SLA2: variants seen among roughly 807,000 people sequenced by gnomAD.
SLA2 encodes the protein Src like adaptor 2.
Under a neutral mutation model 27.3 loss-of-function variants are expected in SLA2, and 22 were observed. That is an observed-to-expected ratio of 0.81 (90% CI 0.58 to 1.15). The LOEUF (loss-of-function observed/expected upper bound fraction) is 1.15, where lower values mean the gene tolerates loss of function less well. Ranked by LOEUF, SLA2 falls within the 50% of genes most tolerant of loss-of-function variation. SLA2 has a pLI of 0.00. For synonymous variants in SLA2, 131 were observed against 137.8 expected (o/e 0.95, Z 0.34); for missense variants, 304 against 322.2 (o/e 0.94, Z 0.43).
chr20:36,641,244 C>T lies in SLA2; in HGVS notation c.91+1G>A. On this transcript the variant is annotated splice_donor_variant, in intron 2 of 7. Coordinates refer to ENST00000262866, the MANE Select transcript of SLA2 (RefSeq NM_032214.4). LOFTEE classifies it high-confidence loss of function. The stretch of plus-strand genomic sequence containing the variant: ...TGGCTGTCACAGGCCCTGAGGCCTA[C>T]CTGCTTCCATGGTCACAGGTCCCTG... The T allele has an allele frequency of 6.2e-7, 1 of 1,613,676 alleles. No homozygotes were observed. The highest frequency in any genetic ancestry group is 2.2e-5 in the East Asian group (1 of 44,862).
Position 36,634,785 on chromosome 20 carries a change from C to CAGAG in SLA2, c.92-200_92-197dup, listed in dbSNP as rs113633781. Among the ~76,000 whole-genome samples the CAGAG allele has an allele frequency of 4.0e-3, 585 of 147,160 alleles. 4 individuals are homozygous for CAGAG. Among genetic ancestry groups the CAGAG allele is most frequent in the African/African-American group, 0.014 (546 of 39,710 alleles). ...AACTTTGCAGAGCCCTGACAGTGCC[C>CAGAG]AGAGAGAGAGAGAGAGAGAGAGAAA... On this transcript the variant is annotated intron_variant, in intron 2 of 7. Transcript: ENST00000262866.
chr20:36,621,901 A>G (rs755109621), intron 5 of SLA2, among the ~76,000 whole-genome samples: 22 of 151,898 alleles, frequency 1.4e-4, no homozygotes, highest in South Asian at 4.2e-4. Flanking sequence ...CTGTGGTCCC[A>G]GCTACTCCAG....
chr20:36,624,553 G>A (rs1480831240), intron 5 of SLA2, among the ~76,000 whole-genome samples: 1 of 152,136 alleles, frequency 6.6e-6, no homozygotes. Flanking sequence ...AACAGTGCTT[G>A]GCACAAAGTC....
At chr20:36,637,474 C>T (rs1045973262) in intron 2 of SLA2, among the ~76,000 whole-genome samples, 29 of 151,830 alleles carry the variant, frequency 1.9e-4, no homozygotes, top group South Asian at 6.2e-4. Flanking sequence ...GGATTACAGG[C>T]GTGAGCCACT....
At chr20:36,637,204 T>A (rs557639245) in intron 2 of SLA2, among the ~76,000 whole-genome samples, 1 of 141,442 alleles carries the variant, frequency 7.1e-6, no homozygotes, top group South Asian at 2.3e-4. Context: ...TTTTTTTTTT[T>A]TTTTTTTTTT....
intron 2 of SLA2, among the ~76,000 whole-genome samples, chr20:36,639,649 T>C (rs145100583): frequency 0.02 from 2,956 of 151,066 alleles, 99 homozygotes; most frequent in African/African-American, 0.068. Flanking sequence ...GTCAGGAGAT[T>C]GAGACCATCC....
chr20:36,643,900 C>T (rs370438789), intron 1 of SLA2, among the ~76,000 whole-genome samples: 4 of 152,156 alleles, frequency 2.6e-5, no homozygotes, highest in East Asian at 1.9e-4. Flanking sequence ...TGCAGTGAGC[C>T]GAGATTGTGC....
chr20:36,641,701 C>G lies in SLA2; in HGVS notation c.-43-323G>C, dbSNP rs531592320. 3.3e-5 allele frequency among the ~76,000 whole-genome samples: 5 copies of G among 152,264 alleles called. No individual in the cohort carries two copies. The East Asian group carries it at 7.7e-4, about 24-fold the overall frequency. On this transcript the variant is annotated intron_variant, in intron 1 of 7. Coordinates refer to ENST00000262866, the MANE Select transcript of SLA2 (RefSeq NM_032214.4). Reference sequence around the variant, plus strand: ...ATCCCATTCTTCCTTCCCCAGGAAGCCTCCCAGCCCCTAGCCTTTGTTGAT... The same window carrying G: ...ATCCCATTCTTCCTTCCCCAGGAAGGCTCCCAGCCCCTAGCCTTTGTTGAT...
At chr20:36,620,792 A>T in intron 5 of SLA2, 1 of 172,254 alleles carries the variant, frequency 5.8e-6, no homozygotes, top group Non-Finnish European at 1.2e-5. Context: ...CTGGTCTCGA[A>T]CTCCTGACCT....
rs796709033 is a variant in SLA2, at chr20:36,645,366, CA to C, written c.-44+470del. ...TGGGTAACAGAATGAGACCCCAACTCAAAAAAAAAAATGAATTTGGATTGAG... is the reference window on the plus strand; with the variant it reads ...TGGGTAACAGAATGAGACCCCAACTCAAAAAAAAAATGAATTTGGATTGAG... On this transcript the variant is annotated intron_variant, in intron 1 of 7. Coordinates refer to ENST00000262866, the MANE Select transcript of SLA2 (RefSeq NM_032214.4). 1.5e-3 allele frequency among the ~76,000 whole-genome samples: 217 copies of C among 144,076 alleles called. 1 individual carries two copies. Among genetic ancestry groups the C allele is most frequent in the East Asian group, 0.014 (71 of 5,008 alleles). The allele number at this position is 144,076 out of a possible 152,430, so 94.5% of individuals were successfully genotyped here.
At position 36,612,714 on chromosome 20, in the gene SLA2, A is replaced by C. The variant is rs1444104886; in HGVS notation, c.*1152T>G. On this transcript the variant is annotated 3_prime_UTR_variant, in exon 8 of 8. Coordinates refer to ENST00000262866, the MANE Select transcript of SLA2 (RefSeq NM_032214.4). The stretch of plus-strand genomic sequence containing the variant: ...ACCTCTTTCTGTTTATGGAGGCAGC[A>C]GGGAAATCAAGGGCTGGATTTGGTG... The C allele has an allele frequency of 1.9e-5, 4 of 209,080 alleles. No individual in the cohort carries two copies. The highest frequency in any genetic ancestry group is 3.9e-5 in the Non-Finnish European group (4 of 101,302). The allele number at this position is 209,080 out of a possible 1,614,324, so 13.0% of individuals were successfully genotyped here.
rs2039467994 is a variant in SLA2 at position 36,637,855 on chromosome 20, T to G, written c.92-3266A>C. Among the ~76,000 whole-genome samples, 3 of 150,692 alleles carry G rather than the reference T, an allele frequency of 2.0e-5. No individual in the cohort carries two copies. In the South Asian group the frequency reaches 6.3e-4, roughly 32 times the overall value. On this transcript the variant is annotated intron_variant, in intron 2 of 7. Coordinates refer to ENST00000262866, the MANE Select transcript of SLA2 (RefSeq NM_032214.4). ...TGTTGTCCAGGTTGATCTCGAACTC[T>G]TGACCTCAGGTCTGCCTGCCTCGGC... is the stretch of plus-strand genomic sequence containing the variant.
chr20:36,624,385 ACACT>A (rs766075264), intron 5 of SLA2, among the ~76,000 whole-genome samples: 39 of 152,106 alleles, frequency 2.6e-4, no homozygotes, highest in Non-Finnish European at 5.4e-4. Flanking sequence ...GCCTGTACTC[ACACT>A]CACACCCTGG....
chr20:36,612,509 T>C lies in SLA2; in HGVS notation c.*1357A>G. 2.3e-6 allele frequency: 1 copy of C among 443,528 alleles called. No individual in the cohort carries two copies. The highest frequency in any genetic ancestry group is 2.5e-5 in the South Asian group (1 of 40,134). The allele number at this position is 443,528 out of a possible 1,614,324, so 27.5% of individuals were successfully genotyped here. On this transcript the variant is annotated 3_prime_UTR_variant, in exon 8 of 8. Transcript: ENST00000262866. ...ATGCAGCATCTAATAAGAGTTTCCA[T>C]TGTAGAATGTTTTCACATACTTGAA...
chr20:36,644,351 G>T (rs542591784), intron 1 of SLA2, among the ~76,000 whole-genome samples: 1 of 152,282 alleles, frequency 6.6e-6, no homozygotes, highest in East Asian at 1.9e-4. Flanking sequence ...AAGCATGCAA[G>T]CTTCCCCCGT....
chr20:36,621,580 C>T (rs987549364), intron 5 of SLA2, among the ~76,000 whole-genome samples: 15 of 141,828 alleles, frequency 1.1e-4, no homozygotes, highest in Non-Finnish European at 2.2e-4. Context: ...GAGCCGAGAT[C>T]GCGCCACTGC....
intron 5 of SLA2, among the ~76,000 whole-genome samples, chr20:36,616,555 G>C (rs1277265561): frequency 1.3e-5 from 2 of 151,904 alleles, no homozygotes; most frequent in African/African-American, 4.8e-5. Flanking sequence ...GGCTGGTCTC[G>C]AACTCTTGAC....
chr20:36,616,186 G>A lies in SLA2; in HGVS notation c.383-812C>T, dbSNP rs563565664. 5.3e-5 allele frequency among the ~76,000 whole-genome samples: 8 copies of A among 152,060 alleles called. No individual in the cohort carries two copies. In the South Asian group the frequency reaches 1.7e-3, roughly 32 times the overall value. Reference sequence around the variant, plus strand: ...GAGGGGGCTACAAAGGGCTTGTTAGGTAATTTCAGCTGGCAAGTGGGCGCG... The same window carrying A: ...GAGGGGGCTACAAAGGGCTTGTTAGATAATTTCAGCTGGCAAGTGGGCGCG... On this transcript the variant is annotated intron_variant, in intron 5 of 7. Transcript: ENST00000262866.
chr20:36,636,377 C>T (rs957916586), intron 2 of SLA2, among the ~76,000 whole-genome samples: 2 of 142,886 alleles, frequency 1.4e-5, no homozygotes, highest in East Asian at 2.0e-4. Context: ...GCCGAGATTG[C>T]GCCACTGCAG....
Sources: gnomAD v4.1 joint callset for allele counts (sites outside exome capture counted in the v4.1 genomes callset) on GRCh38, gnomAD v4.1.1 for gene constraint, MANE v1.5 for transcripts, NCBI Gene and HGNC (gene_info 2026-07-23, HGNC 2026-07-21) for gene names.